Variants in DENND1B observed in about 807,000 individuals in gnomAD.
The protein encoded by DENND1B is DENN domain-containing protein 1B.
In DENND1B, 59 loss-of-function variants were observed where a neutral mutation model predicts 90.1. That is an observed-to-expected ratio of 0.65 (90% confidence interval 0.53 to 0.81). The LOEUF is 0.81. DENND1B is among the 40% of genes least tolerant of loss of function. DENND1B has a pLI of 0.00. For missense variants in DENND1B, 862 were observed against 912.6 expected (o/e 0.94, Z 0.71); for synonymous variants, 337 against 324.6 (o/e 1.04, Z -0.41).
intron 10 of DENND1B, among the ~76,000 whole-genome samples, chr1:197,623,067 T>C (rs1359889200): frequency 2.0e-5 from 3 of 151,382 alleles, no homozygotes; most frequent in Non-Finnish European, 3.0e-5. Context: ...CTGTATCACC[T>C]ATCTAGATTG....
chr1:197,576,164 G>A (rs933808369), intron 15 of DENND1B, among the ~76,000 whole-genome samples: 1 of 152,180 alleles, frequency 6.6e-6, no homozygotes, highest in African/African-American at 2.4e-5. Flanking sequence ...GTTGACGTTT[G>A]AAGAGGCTAT....
At chr1:197,616,288 C>T (rs1455804808) in intron 11 of DENND1B, among the ~76,000 whole-genome samples, 1 of 150,930 alleles carries the variant, frequency 6.6e-6, no homozygotes, top group African/African-American at 2.4e-5. Flanking sequence ...CATATGTCAA[C>T]ATAAATAAAT....
chr1:197,663,672 A>G (rs989687249), intron 5 of DENND1B, among the ~76,000 whole-genome samples: 1 of 152,100 alleles, frequency 6.6e-6, no homozygotes, highest in Non-Finnish European at 1.5e-5. Context: ...ACAAATTCCT[A>G]GGGCTGAGTT....
At chr1:197,717,628 A>G (rs923320451) in intron 2 of DENND1B, among the ~76,000 whole-genome samples, 1 of 152,038 alleles carries the variant, frequency 6.6e-6, no homozygotes, top group African/African-American at 2.4e-5. Flanking sequence ...TTAGAAGATG[A>G]ATATTTAAAG....
At chr1:197,735,687 G>T (rs764112061) in intron 2 of DENND1B, 36 of 1,614,056 alleles carry the variant, frequency 2.2e-5, no homozygotes, top group Non-Finnish European at 3.0e-5. Flanking sequence ...CCCCGGACAC[G>T]GGAGGCGCTA....
chr1:197,592,044 G>A (rs567549889), intron 14 of DENND1B, among the ~76,000 whole-genome samples: 1 of 133,176 alleles, frequency 7.5e-6, no homozygotes, highest in East Asian at 2.6e-4. Context: ...GGGAGGTGGA[G>A]CTTGCAGCGA....
chr1:197,602,657 T>A (rs1053669450), intron 13 of DENND1B, among the ~76,000 whole-genome samples: 3 of 151,404 alleles, frequency 2.0e-5, no homozygotes, highest in African/African-American at 7.3e-5. Context: ...CAGGAAATAT[T>A]CAATGAATTA....
chr1:197,589,489 A>C (rs1374318087), intron 14 of DENND1B, among the ~76,000 whole-genome samples: 1 of 152,202 alleles, frequency 6.6e-6, no homozygotes, highest in Non-Finnish European at 1.5e-5. Context: ...ATGTTTTAGT[A>C]ACCATAAAAC....
At chr1:197,643,637 AACAGCCCTTTGGT>A (rs1227582924) in intron 9 of DENND1B, among the ~76,000 whole-genome samples, 1 of 152,188 alleles carries the variant, frequency 6.6e-6, no homozygotes, top group Non-Finnish European at 1.5e-5. Flanking sequence ...GAATTTATAA[AACAGCCCTTTGGT>A]ACTTTATTAA....
intron 2 of DENND1B, among the ~76,000 whole-genome samples, chr1:197,741,153 C>T (rs1451493388): frequency 2.0e-5 from 3 of 152,164 alleles, no homozygotes; most frequent in African/African-American, 4.8e-5. Context: ...GTTGATAAAG[C>T]TTGCTTCCTT....
At chr1:197,523,396 T>C (rs923846911) in intron 20 of DENND1B, among the ~76,000 whole-genome samples, 4 of 152,002 alleles carry the variant, frequency 2.6e-5, no homozygotes, top group Non-Finnish European at 4.4e-5. Context: ...TTCTCTGCCA[T>C]GAAAAGAAAG....
chr1:197,563,162 T>C (rs1378267675), intron 15 of DENND1B, among the ~76,000 whole-genome samples: 1 of 151,990 alleles, frequency 6.6e-6, no homozygotes, highest in East Asian at 1.9e-4. Context: ...CCAAAAGATC[T>C]AGCTAAGATT....
rs1675832548 is a variant in DENND1B at position 197,597,718 on chromosome 1, C to T, written c.922-2385G>A. Among the ~76,000 whole-genome samples, 5 of 151,822 alleles carry T rather than the reference C, an allele frequency of 3.3e-5. 1 individual carries two copies. The highest frequency in any genetic ancestry group is 5.9e-5 in the Non-Finnish European group (4 of 67,854). ...CCAAATCATAAATATGCAGCCTTCA[C>T]TTCCAAAACTAGTCAATGATAGCTC... is the stretch of plus-strand genomic sequence containing the variant. On this transcript the variant is annotated intron_variant, in intron 13 of 22. Transcript: ENST00000620048.
At chr1:197,672,326 T>C (rs1655597217) in intron 4 of DENND1B, among the ~76,000 whole-genome samples, 170 bp from the exon 5 acceptor site, 1 of 152,094 alleles carries the variant, frequency 6.6e-6, no homozygotes, top group South Asian at 2.1e-4. Flanking sequence ...ACTTGTAAAG[T>C]AAACACCAAA....
intron 5 of DENND1B, among the ~76,000 whole-genome samples, chr1:197,671,246 C>G (rs1655472239): frequency 6.6e-6 from 1 of 152,086 alleles, no homozygotes; most frequent in African/African-American, 2.4e-5. Context: ...TTTTTATAGA[C>G]TACATCTGGA....
intron 2 of DENND1B, among the ~76,000 whole-genome samples, chr1:197,771,289 T>C (rs1472436625): frequency 1.3e-5 from 2 of 152,218 alleles, no homozygotes; most frequent in African/African-American, 4.8e-5. Flanking sequence ...GATTAACTTA[T>C]ATCATAAACC....
intron 5 of DENND1B, 43 bp from the exon 6 acceptor site, chr1:197,658,412 A>C (rs1218385599): frequency 1.5e-6 from 2 of 1,319,528 alleles, no homozygotes; most frequent in African/African-American, 2.9e-5. Flanking sequence ...TAAAATTCAG[A>C]ATCAGAAAAC....
intron 2 of DENND1B, among the ~76,000 whole-genome samples, chr1:197,756,237 G>A (rs765252618): frequency 1.1e-3 from 162 of 152,116 alleles, no homozygotes; most frequent in Admixed American, 3.2e-3. Context: ...AGCCTACCAG[G>A]CCAGACGCTG....
At chr1:197,634,062 T>A (rs1477042975) in intron 10 of DENND1B, among the ~76,000 whole-genome samples, 1 of 152,182 alleles carries the variant, frequency 6.6e-6, no homozygotes, top group Non-Finnish European at 1.5e-5. Context: ...CCACAGCAAC[T>A]TCTCTGCTAT....
Sources: allele counts gnomAD v4.1 joint callset (sites outside exome capture counted in the v4.1 genomes callset), GRCh38; gene constraint gnomAD v4.1.1; transcripts MANE v1.5; gene names NCBI Gene and HGNC (gene_info 2026-07-23, HGNC 2026-07-21).